The following NRXN3 variants were observed in gnomAD, a reference collection of about 807,000 sequenced individuals.
NRXN3 encodes the protein neurexin 3.
Under a neutral mutation model 137.6 loss-of-function variants are expected in NRXN3, and 32 were observed. That is an observed-to-expected ratio of 0.23 (90% confidence interval 0.18 to 0.31). The LOEUF is 0.31. NRXN3 is among the 10% of genes least tolerant of loss of function. The pLI is 1.00. For missense variants in NRXN3, 1,574 were observed against 2,062.5 expected (o/e 0.76, Z 4.59); for synonymous variants, 798 against 784.5 (o/e 1.02, Z -0.29).
chr14:79,788,229 A>T (rs1183393316), intron 19 of NRXN3, among the ~76,000 whole-genome samples: 3 of 152,110 alleles, frequency 2.0e-5, no homozygotes, highest in Non-Finnish European at 4.4e-5. Context: ...ACCCACCCCC[A>T]TGATTCAATT....
At chr14:78,957,943 T>G (rs1210950824) in intron 11 of NRXN3, among the ~76,000 whole-genome samples, 1 of 152,186 alleles carries the variant, frequency 6.6e-6, no homozygotes, top group Non-Finnish European at 1.5e-5. Context: ...ATCTTTGGCC[T>G]GGTGGGATTT....
Position 78,243,927 on chromosome 14 carries a change from G to A in NRXN3, c.709+125G>A. On this transcript the variant is annotated intron_variant, in intron 2 of 20. Coordinates refer to ENST00000335750, the MANE Select transcript of NRXN3 (RefSeq NM_001330195.2). The surrounding 1 kb of genome is among the most constrained non-coding windows in gnomAD (Gnocchi z 4.2). ...TGCATGTTAGATCACTGGGCCCCTT[G>A]CCCTAAGGAGGCAGTGGAAATCCTT... The A allele has an allele frequency of 1.4e-6, 1 of 701,768 alleles. No individual in the cohort carries two copies. Among genetic ancestry groups the A allele is most frequent in the Non-Finnish European group, 2.4e-6 (1 of 425,334 alleles). 43.5% of individuals were successfully genotyped at this position (701,768 alleles called of 1,614,324 possible). A position where few individuals can be genotyped will look rare whatever the true frequency, so the allele number is the denominator to read the frequency against.
intron 15 of NRXN3, among the ~76,000 whole-genome samples, chr14:79,290,982 G>T (rs369606925): frequency 2.6e-5 from 4 of 152,196 alleles, no homozygotes; most frequent in African/African-American, 4.8e-5. Flanking sequence ...TGATTAAAGG[G>T]TTAAAACTCA....
At chr14:78,283,492 T>G (rs2074706185) in intron 3 of NRXN3, 1 of 152,304 alleles carries the variant, frequency 6.6e-6, no homozygotes, top group Non-Finnish European at 1.5e-5. Flanking sequence ...TATTCCTTTA[T>G]GCATTGTCTC....
At chr14:78,530,435 T>A (rs183303898) in intron 4 of NRXN3, among the ~76,000 whole-genome samples, 25 of 152,334 alleles carry the variant, frequency 1.6e-4, no homozygotes, top group Non-Finnish European at 1.8e-4. Flanking sequence ...TTTTCAGTTG[T>A]CAAGGCACTT....
chr14:79,825,887 C>T (rs1039329303), intron 20 of NRXN3, among the ~76,000 whole-genome samples: 2 of 152,130 alleles, frequency 1.3e-5, no homozygotes, highest in Non-Finnish European at 2.9e-5. Flanking sequence ...ATAGATCCTC[C>T]AGCACATGTC....
chr14:78,761,269 C>T (rs2098691563), intron 8 of NRXN3, among the ~76,000 whole-genome samples: 1 of 152,074 alleles, frequency 6.6e-6, no homozygotes, highest in African/African-American at 2.4e-5. Context: ...TGGAATTAAT[C>T]CAGGTAATAT....
At chr14:79,544,113 T>C (rs1053998351) in intron 16 of NRXN3, among the ~76,000 whole-genome samples, 3 of 152,140 alleles carry the variant, frequency 2.0e-5, no homozygotes, top group African/African-American at 7.2e-5. Flanking sequence ...AAATACTTCT[T>C]AAATGTCACA....
intron 2 of NRXN3, among the ~76,000 whole-genome samples, chr14:78,251,471 A>G (rs934781669): frequency 5.3e-5 from 8 of 152,192 alleles, no homozygotes; most frequent in Non-Finnish European, 1.0e-4. Flanking sequence ...ATCATAAGCA[A>G]CAGGTCCCAC....
chr14:78,954,767 GTTTTTTT>G (rs531410595), intron 10 of NRXN3, among the ~76,000 whole-genome samples: 2 of 130,380 alleles, frequency 1.5e-5, no homozygotes, highest in East Asian at 2.1e-4. Context: ...ACCTGGCCTG[GTTTTTTT>G]TTTTTTTTTT....
intron 15 of NRXN3, among the ~76,000 whole-genome samples, chr14:79,180,301 C>T (rs754071788): frequency 3.4e-4 from 52 of 152,160 alleles, no homozygotes; most frequent in Non-Finnish European, 5.1e-4. Flanking sequence ...TAGTGATAAA[C>T]GTGCTGCTTA....
At chr14:78,435,375 C>T (rs2094027508) in intron 4 of NRXN3, among the ~76,000 whole-genome samples, 1 of 152,068 alleles carries the variant, frequency 6.6e-6, no homozygotes, top group Non-Finnish European at 1.5e-5. Flanking sequence ...TAGATTGTTA[C>T]CTTCATTTCA....
At chr14:78,236,774 C>A (rs1459681739) in intron 1 of NRXN3, among the ~76,000 whole-genome samples, 3 of 144,018 alleles carry the variant, frequency 2.1e-5, no homozygotes, top group Middle Eastern at 3.4e-3. Flanking sequence ...AGAGAGTTGC[C>A]CAAGGTTAAA....
intron 15 of NRXN3, among the ~76,000 whole-genome samples, chr14:79,097,011 T>C (rs2050468444): frequency 7.6e-6 from 1 of 132,008 alleles, no homozygotes; most frequent in African/African-American, 2.7e-5. Flanking sequence ...CTGGCCAAAA[T>C]GATTTTTTTT....
intron 15 of NRXN3, among the ~76,000 whole-genome samples, chr14:79,167,784 C>T (rs2061411482): frequency 1.3e-5 from 2 of 151,884 alleles, no homozygotes; most frequent in Admixed American, 1.3e-4. Flanking sequence ...TTGTCAGTCC[C>T]ACCTCTCTGG....
intron 16 of NRXN3, among the ~76,000 whole-genome samples, chr14:79,608,774 A>G (rs1375873100): frequency 6.6e-6 from 1 of 151,872 alleles, no homozygotes; most frequent in Non-Finnish European, 1.5e-5. Context: ...ACCTGTCCCC[A>G]TTTGTTGATT....
At chr14:78,555,855 A>T (rs2096732452) in intron 4 of NRXN3, among the ~76,000 whole-genome samples, 1 of 152,192 alleles carries the variant, frequency 6.6e-6, no homozygotes. Flanking sequence ...AGAAGAAGAA[A>T]ACAGAAGAGG....
chr14:78,805,937 C>T (rs2098864194), intron 9 of NRXN3, among the ~76,000 whole-genome samples: 1 of 152,066 alleles, frequency 6.6e-6, no homozygotes, highest in African/African-American at 2.4e-5. Context: ...CACACACACA[C>T]ATACACCTTG....
intron 1 of NRXN3, among the ~76,000 whole-genome samples, chr14:78,197,968 G>A (rs1372029958): frequency 6.6e-6 from 1 of 152,174 alleles, no homozygotes; most frequent in African/African-American, 2.4e-5. Context: ...CTACCCAGAG[G>A]CAGGAATCAT....
Sources: gnomAD v4.1 joint callset for allele counts (sites outside exome capture counted in the v4.1 genomes callset) on GRCh38, gnomAD v4.1.1 for gene constraint, Gnocchi (gnomAD v3.1) non-coding constraint, MANE v1.5 for transcripts, NCBI Gene and HGNC (gene_info 2026-07-23, HGNC 2026-07-21) for gene names.